NTNG2: variants seen among roughly 807,000 people sequenced by gnomAD.
The protein encoded by NTNG2 is netrin-G2.
NTNG2 carries 15 observed loss-of-function variants against 47.6 expected under a neutral mutation model. The observed-to-expected ratio is 0.32, with a 90% CI of 0.21 to 0.49. NTNG2 has a LOEUF of 0.49. Ranked by LOEUF, NTNG2 falls within the 20% of genes least tolerant of loss-of-function variation. The pLI is 0.99. For missense variants in NTNG2, 578 were observed against 764.6 expected (o/e 0.76, Z 2.88); for synonymous variants, 307 against 324.6 (o/e 0.95, Z 0.58).
intron 2 of NTNG2, among the ~76,000 whole-genome samples, chr9:132,169,944 G>A (rs1193809145): frequency 6.6e-6 from 1 of 152,148 alleles, no homozygotes; most frequent in Non-Finnish European, 1.5e-5. Context: ...GAGCTTCCTC[G>A]CCTGCAGCCC....
chr9:132,193,745 C>T (rs1434909652), intron 2 of NTNG2, among the ~76,000 whole-genome samples: 1 of 152,140 alleles, frequency 6.6e-6, no homozygotes, highest in Non-Finnish European at 1.5e-5. Flanking sequence ...TTGTCTTAGT[C>T]AGCTCCGGCC....
rs1477207759 is a variant in NTNG2 at position 132,163,287 on chromosome 9, C to T, written c.-484+1048C>T. ...ACTCGACCCTGGCCCCGGCCTCGAC[C>T]CCGCCCGCGGCCCGCCGGGACCCAC... On this transcript the variant is annotated intron_variant, in intron 1 of 7. Transcript: ENST00000393229. This position sits in a 1 kb window ranked among gnomAD's most constrained non-coding sequence, Gnocchi z 7.2. 6.6e-6 allele frequency among the ~76,000 whole-genome samples: 1 copy of T among 152,018 alleles called. No individual in the cohort carries two copies. The highest frequency in any genetic ancestry group is 1.5e-5 in the Non-Finnish European group (1 of 67,954).
chr9:132,217,947 C>T (rs944393316), intron 3 of NTNG2, among the ~76,000 whole-genome samples: 1 of 152,204 alleles, frequency 6.6e-6, no homozygotes, highest in African/African-American at 2.4e-5. Context: ...TCACCCCAAC[C>T]GTGATGAGTG....
intron 2 of NTNG2, among the ~76,000 whole-genome samples, chr9:132,167,391 C>T (rs940677918): frequency 4.6e-5 from 7 of 152,208 alleles, no homozygotes; most frequent in African/African-American, 1.4e-4. Flanking sequence ...GCATTCTGGG[C>T]GAGTGAGCAA....
rs1391875022 is a variant in NTNG2, at chr9:132,166,547, G to T, written c.-285G>T. 3.0e-5 allele frequency: 14 copies of T among 469,550 alleles called. No homozygotes were observed. The highest frequency in any genetic ancestry group is 3.9e-5 in the Non-Finnish European group (10 of 254,654). 29.1% of individuals were successfully genotyped at this position (469,550 alleles called of 1,614,324 possible). On this transcript the variant is annotated 5_prime_UTR_variant, in exon 2 of 8. In the 5' UTR this introduces an upstream ATG that the reference lacks. Coordinates refer to ENST00000393229, the MANE Select transcript of NTNG2 (RefSeq NM_032536.4). ...CCTGATTTGATCAGATTCACCTCCA[G>T]GGGAGGTGTGATACCAGGGTTAGGA... is the stretch of plus-strand genomic sequence containing the variant.
rs145850105 is a variant in NTNG2 at position 132,236,291 on chromosome 9, G to A, written c.1055-2813G>A. Among the ~76,000 whole-genome samples the A allele has an allele frequency of 3.3e-5, 5 of 152,352 alleles. No individual in the cohort carries two copies. In the East Asian group the frequency reaches 7.7e-4, roughly 24 times the overall value. On this transcript the variant is annotated intron_variant, in intron 5 of 7. Transcript: ENST00000393229. The surrounding 1 kb of genome is among the most constrained non-coding windows in gnomAD (Gnocchi z 4.3). ...CAAAGTGGAAAATGTGTGGGTTAAA[G>A]GAGGGAGGGCGGGGTCCTGGAAGAC...
At chr9:132,193,268 GATAATA>G (rs1209020294) in intron 2 of NTNG2, among the ~76,000 whole-genome samples, 2 of 152,216 alleles carry the variant, frequency 1.3e-5, no homozygotes, top group Non-Finnish European at 2.9e-5. Context: ...TTAATATGAT[GATAATA>G]ATAATAAGTA....
intron 4 of NTNG2, among the ~76,000 whole-genome samples, 159 bp downstream of exon 4, chr9:132,227,180 C>T (rs1180752697): frequency 6.6e-6 from 1 of 152,236 alleles, no homozygotes; most frequent in East Asian, 1.9e-4. Flanking sequence ...TACGAGCATG[C>T]ATGCACAGGC....
chr9:132,187,160 CT>C (rs905732220), intron 2 of NTNG2, among the ~76,000 whole-genome samples: 1 of 152,338 alleles, frequency 6.6e-6, no homozygotes, highest in East Asian at 1.9e-4. Context: ...TGTGGCCCCC[CT>C]GGGGGAGGAG....
At chr9:132,216,761 G>T (rs771349575) in intron 3 of NTNG2, among the ~76,000 whole-genome samples, 23 of 152,190 alleles carry the variant, frequency 1.5e-4, no homozygotes, top group Non-Finnish European at 2.9e-4. Context: ...TCCCACAGAA[G>T]AAGGGGAAAT....
At chr9:132,189,113 G>A (rs902303813) in intron 2 of NTNG2, among the ~76,000 whole-genome samples, 3 of 97,670 alleles carry the variant, frequency 3.1e-5, no homozygotes, top group Non-Finnish European at 1.9e-5. Flanking sequence ...GTCTCACTCT[G>A]TCACTCAGGC....
Position 132,218,799 on chromosome 9 carries a change from A to C in NTNG2, c.858-8050A>C, listed in dbSNP as rs1840163152. The stretch of plus-strand genomic sequence containing the variant: ...GGCGTGAGCCAACGCGCCCGGCCCC[A>C]ATGTGATAGGTTTATAAAAATAGGA... On this transcript the variant is annotated intron_variant, in intron 3 of 7. Transcript: ENST00000393229. The surrounding 1 kb of genome is among the most constrained non-coding windows in gnomAD (Gnocchi z 5.4). 6.6e-6 allele frequency among the ~76,000 whole-genome samples: 1 copy of C among 152,032 alleles called. No homozygotes were observed. The highest frequency in any genetic ancestry group is 1.5e-5 in the Non-Finnish European group (1 of 67,998).
chr9:132,174,818 A>G (rs1375664944), intron 2 of NTNG2, among the ~76,000 whole-genome samples: 1 of 151,908 alleles, frequency 6.6e-6, no homozygotes, highest in East Asian at 1.9e-4. Context: ...GCTACTTGGG[A>G]GTCTGAGGCA....
chr9:132,229,175 G>C (rs555513182), intron 4 of NTNG2, among the ~76,000 whole-genome samples: 1 of 152,214 alleles, frequency 6.6e-6, no homozygotes, highest in Admixed American at 6.5e-5. Flanking sequence ...TCACAGGTGA[G>C]GCTGGAGGCG....
Position 132,242,156 on chromosome 9 carries a change from C to T in NTNG2, c.*45C>T. 1 of 978,166 alleles carries T rather than the reference C, an allele frequency of 1.0e-6. No individual in the cohort carries two copies. The highest frequency in any genetic ancestry group is 1.3e-6 in the Non-Finnish European group (1 of 799,794). 60.6% of individuals were successfully genotyped at this position (978,166 alleles called of 1,614,324 possible). A position where few individuals can be genotyped will look rare whatever the true frequency, so the allele number is the denominator to read the frequency against. Reference sequence around the variant, plus strand: ...CCCCGCACCCGGAGGCCGGGGGTCCCGGGGTCCCGGGGCGGGGCCGGCGTC... The same window carrying T: ...CCCCGCACCCGGAGGCCGGGGGTCCTGGGGTCCCGGGGCGGGGCCGGCGTC... On this transcript the variant is annotated 3_prime_UTR_variant, in exon 8 of 8. Transcript: ENST00000393229. The surrounding 1 kb of genome is among the most constrained non-coding windows in gnomAD (Gnocchi z 5.9).
chr9:132,162,692 C>G lies in NTNG2; in HGVS notation c.-484+453C>G, dbSNP rs890407426. Among the ~76,000 whole-genome samples, 5 of 151,848 alleles carry G rather than the reference C, an allele frequency of 3.3e-5. No homozygotes were observed. The highest frequency in any genetic ancestry group is 5.9e-5 in the Non-Finnish European group (4 of 67,904). On this transcript the variant is annotated intron_variant, in intron 1 of 7. Transcript: ENST00000393229. This position sits in a 1 kb window ranked among gnomAD's most constrained non-coding sequence, Gnocchi z 4.6. ...TAACCCTGCTCCCGCGCCTCTCCCC[C>G]ACCCCAATTCCACCGCCACCGCTTA... is the stretch of plus-strand genomic sequence containing the variant.
chr9:132,240,447 G>A (rs1288225445), intron 6 of NTNG2, among the ~76,000 whole-genome samples: 1 of 152,208 alleles, frequency 6.6e-6, no homozygotes, highest in Non-Finnish European at 1.5e-5. Context: ...CAACCAACTG[G>A]GCCCACCCCG....
At position 132,197,454 on chromosome 9, in the gene NTNG2, T is replaced by C. The variant is rs1464086163; in HGVS notation, c.214-512T>C. On this transcript the variant is annotated intron_variant, in intron 2 of 7. Transcript: ENST00000393229. This position sits in a 1 kb window ranked among gnomAD's most constrained non-coding sequence, Gnocchi z 4.3. ...GGAAGGTGACTCAGCTAAGGAGATA[T>C]TTAGAGAGTCGAGAATGTGAATGGG... is the stretch of plus-strand genomic sequence containing the variant. 1.3e-5 allele frequency among the ~76,000 whole-genome samples: 2 copies of C among 151,900 alleles called. No individual in the cohort carries two copies. The highest frequency in any genetic ancestry group is 6.6e-5 in the Admixed American group (1 of 15,254).
chr9:132,212,132 G>C (rs1041446548), intron 3 of NTNG2, among the ~76,000 whole-genome samples: 4 of 152,126 alleles, frequency 2.6e-5, no homozygotes, highest in African/African-American at 9.7e-5. Flanking sequence ...TCCTTCTCCT[G>C]TTTTCCTTGT....
Sources: allele counts gnomAD v4.1 joint callset (sites outside exome capture counted in the v4.1 genomes callset), GRCh38; gene constraint gnomAD v4.1.1; non-coding constraint Gnocchi (gnomAD v3.1); transcripts MANE v1.5; gene names NCBI Gene and HGNC (gene_info 2026-07-23, HGNC 2026-07-21).